Variants in DIAPH3 observed in about 807,000 individuals in gnomAD.
The protein encoded by DIAPH3 is protein diaphanous homolog 3.
In DIAPH3, 117 loss-of-function variants were observed where a neutral mutation model predicts 144.3. The ratio of observed to expected loss-of-function variants is 0.81; its 90% CI spans 0.70 to 0.95. The LOEUF (loss-of-function observed/expected upper bound fraction) is 0.95, where lower values mean the gene tolerates loss of function less well. Ranked by LOEUF, DIAPH3 falls within the 40% of genes least tolerant of loss-of-function variation. The pLI is 0.00. For synonymous variants in DIAPH3, 519 were observed against 488.9 expected (o/e 1.06, Z -0.81); for missense variants, 1,421 against 1,412.7 (o/e 1.01, Z -0.09).
chr13:59,715,169 C>T (rs2034986363), intron 27 of DIAPH3, among the ~76,000 whole-genome samples: 1 of 152,112 alleles, frequency 6.6e-6, no homozygotes, highest in Non-Finnish European at 1.5e-5. Flanking sequence ...ATGTAACCAT[C>T]TATTATCTTG....
At chr13:60,030,938 C>G (rs2054742935) in intron 5 of DIAPH3, among the ~76,000 whole-genome samples, 1 of 152,068 alleles carries the variant, frequency 6.6e-6, no homozygotes, top group Non-Finnish European at 1.5e-5. Context: ...TCTACTTAGC[C>G]CTGCAGAGGG....
intron 25 of DIAPH3, among the ~76,000 whole-genome samples, chr13:59,796,378 A>G (rs559291910): frequency 6.6e-6 from 1 of 152,358 alleles, no homozygotes; most frequent in South Asian, 2.1e-4. Flanking sequence ...CTGCTAGTTT[A>G]TGCATGTTAA....
chr13:60,009,241 T>C (rs1249331255), intron 8 of DIAPH3, among the ~76,000 whole-genome samples: 1 of 152,128 alleles, frequency 6.6e-6, no homozygotes, highest in Non-Finnish European at 1.5e-5. Flanking sequence ...TTCTTTTAAG[T>C]AATAGTTAAC....
chr13:60,104,848 T>C (rs557299431), intron 3 of DIAPH3, among the ~76,000 whole-genome samples: 6 of 152,072 alleles, frequency 3.9e-5, no homozygotes, highest in African/African-American at 1.4e-4. Context: ...TCCCAGCACT[T>C]TGGGAGGCCG....
At chr13:60,156,438 G>A (rs1952023156) in intron 1 of DIAPH3, among the ~76,000 whole-genome samples, 1 of 152,302 alleles carries the variant, frequency 6.6e-6, no homozygotes, top group African/African-American at 2.4e-5. Flanking sequence ...TCTTCATAGG[G>A]AAGAGGGAAG....
chr13:59,885,447 C>CAAAAAAAAAA (rs1312146501), intron 20 of DIAPH3, among the ~76,000 whole-genome samples: 2 of 48,852 alleles, frequency 4.1e-5, no homozygotes, highest in African/African-American at 1.2e-4. Flanking sequence ...GCTTCTTTCA[C>CAAAAAAAAAA]TAAAAAAAAA....
At chr13:59,733,633 G>T (rs2035995173) in intron 27 of DIAPH3, among the ~76,000 whole-genome samples, 1 of 152,142 alleles carries the variant, frequency 6.6e-6, no homozygotes, top group African/African-American at 2.4e-5. Flanking sequence ...TCGCCCTTTA[G>T]GTTTCTGATA....
At position 59,991,208 on chromosome 13, in the gene DIAPH3, A is replaced by T; in HGVS notation, c.1311T>A (p.Phe437Leu). 1 of 1,611,296 alleles carries T rather than the reference A, an allele frequency of 6.2e-7. No homozygotes were observed. The highest frequency in any genetic ancestry group is 1.3e-5 in the African/African-American group (1 of 74,904). Residue 437 changes from phenylalanine to leucine, a missense_variant, in exon 12 of 28, where the codon TTT becomes TTA. Coordinates refer to ENST00000400324, the MANE Select transcript of DIAPH3 (RefSeq NM_001042517.2). ...TVKETRAEGY[F>L]ISILQHLLLI... ...GCAAAAGATGCTGAAGAATAGAAAT[A>T]AAATATCCCTCTGCTCTAGTTTCTT...
chr13:59,716,455 A>G (rs193072300), intron 27 of DIAPH3, among the ~76,000 whole-genome samples: 502 of 152,282 alleles, frequency 3.3e-3, no homozygotes, highest in East Asian at 0.013. Flanking sequence ...GATTACAGGC[A>G]TGAGCCACCG....
chr13:60,042,494 C>CCTGAGCAATGTACCA lies in DIAPH3; in HGVS notation c.626+181_626+195dup, dbSNP rs149246947. 0.01 allele frequency among the ~76,000 whole-genome samples: 1,592 copies of CCTGAGCAATGTACCA among 152,060 alleles called. 12 individuals carry two copies. The highest frequency in any genetic ancestry group is 0.018 in the Non-Finnish European group (1,230 of 67,968). ...GTGGGCAAAAGGCTTTTTTACAGTC[C>CCTGAGCAATGTACCA]CTGAGCAATGTACCACTCAGTAATA... On this transcript the variant is annotated intron_variant, in intron 5 of 27. Coordinates refer to ENST00000400324, the MANE Select transcript of DIAPH3 (RefSeq NM_001042517.2).
At chr13:60,075,600 A>T (rs2057352780) in intron 4 of DIAPH3, among the ~76,000 whole-genome samples, 1 of 152,188 alleles carries the variant, frequency 6.6e-6, no homozygotes. Context: ...GACAGAAAAT[A>T]TTAAAACCTC....
intron 27 of DIAPH3, among the ~76,000 whole-genome samples, chr13:59,701,900 T>C (rs549881941): frequency 6.6e-6 from 1 of 152,306 alleles, no homozygotes; most frequent in African/African-American, 2.4e-5. Context: ...ACTAGAAAGT[T>C]TAGCGTTCCT....
intron 3 of DIAPH3, among the ~76,000 whole-genome samples, chr13:60,099,186 C>A (rs1005802073): frequency 1.3e-5 from 2 of 152,128 alleles, no homozygotes; most frequent in African/African-American, 4.8e-5. Context: ...GCTCAACTTA[C>A]AATGGGGTTA....
intron 17 of DIAPH3, among the ~76,000 whole-genome samples, chr13:59,955,082 A>ATATATATATACATG (rs1181331920): frequency 3.2e-4 from 4 of 12,626 alleles, no homozygotes; most frequent in East Asian, 1.8e-3. Context: ...ATATACATGT[A>ATATATATATACATG]TATATATATA....
chr13:60,092,974 T>C (rs1002598863), intron 4 of DIAPH3, among the ~76,000 whole-genome samples: 2 of 152,246 alleles, frequency 1.3e-5, no homozygotes, highest in African/African-American at 4.8e-5. Context: ...TGCTTCTTCA[T>C]TGGCTTCCAT....
intron 20 of DIAPH3, among the ~76,000 whole-genome samples, chr13:59,892,196 G>C (rs1393501176): frequency 1.3e-5 from 2 of 151,888 alleles, no homozygotes; most frequent in African/African-American, 4.8e-5. Context: ...AGAGAATGAT[G>C]GGGGGCAGCA....
chr13:59,880,675 T>A (rs1009886008), intron 20 of DIAPH3, among the ~76,000 whole-genome samples: 2 of 152,094 alleles, frequency 1.3e-5, no homozygotes, highest in African/African-American at 4.8e-5. Flanking sequence ...AGCTTACTCA[T>A]CTGACAAAAA....
At chr13:59,974,201 C>CA (rs1187032207) in intron 15 of DIAPH3, 151 bp downstream of exon 15, 22 of 661,614 alleles carry the variant, frequency 3.3e-5, no homozygotes, top group East Asian at 1.1e-4. Context: ...AAAAAAATGA[C>CA]AAAAAAATAG....
chr13:60,017,121 C>T (rs907230799), intron 5 of DIAPH3, among the ~76,000 whole-genome samples: 11 of 152,010 alleles, frequency 7.2e-5, no homozygotes, highest in Non-Finnish European at 1.6e-4. Context: ...AACAAAATTT[C>T]GGCCAGGCGT....
Sources: gnomAD v4.1 joint callset for allele counts (sites outside exome capture counted in the v4.1 genomes callset) on GRCh38, gnomAD v4.1.1 for gene constraint, MANE v1.5 for transcripts, NCBI Gene and HGNC (gene_info 2026-07-23, HGNC 2026-07-21) for gene names.